Variants in CDK13 observed in about 807,000 individuals in gnomAD.
The protein encoded by CDK13 is cyclin-dependent kinase 13.
CDK13 carries 40 observed loss-of-function variants against 137.6 expected under a neutral mutation model. The observed-to-expected ratio is 0.29, with a 90% CI of 0.23 to 0.38. The LOEUF is 0.38. Among genes scored for constraint, CDK13 ranks in the 10% least tolerant of loss-of-function variants. CDK13 has a pLI of 1.00. For missense variants in CDK13, 1,704 were observed against 1,951.8 expected, an observed-to-expected ratio of 0.87 and a Z score of 2.39; for synonymous variants, 869 against 760.1, an observed-to-expected ratio of 1.14 and a Z score of -2.36.
At position 40,097,551 on chromosome 7, in the gene CDK13, TTGAG is replaced by T. The variant is rs1029008110; in HGVS notation, c.*2575_*2578del. 9 of 152,222 alleles carry T rather than the reference TTGAG, an allele frequency of 5.9e-5. No individual in the cohort carries two copies. Among genetic ancestry groups the T allele is most frequent in the Non-Finnish European group, 7.4e-5 (5 of 67,950 alleles). The allele number at this position is 152,222 out of a possible 1,614,324, so 9.4% of individuals were successfully genotyped here. On this transcript the variant is annotated 3_prime_UTR_variant, in exon 14 of 14. Coordinates refer to ENST00000181839, the MANE Select transcript of CDK13 (RefSeq NM_003718.5). ...TATAACAGCAGTCATCGCTGAAAATTTGAGTGAAATCTAAAGAACACAAAATATT... is the reference window on the plus strand; with the variant it reads ...TATAACAGCAGTCATCGCTGAAAATTTGAAATCTAAAGAACACAAAATATT...
intron 1 of CDK13, among the ~76,000 whole-genome samples, chr7:39,974,556 CTTT>C (rs59844316): frequency 3.8e-5 from 5 of 132,998 alleles, no homozygotes; most frequent in Admixed American, 7.4e-5. Context: ...TTCTTTTTTT[CTTT>C]TTTTTTTTTT....
rs374470130 is a variant in CDK13 at position 40,003,206 on chromosome 7, A to ACACACACACT, written c.2353+1176_2353+1177insACACACACTC. ...CACACACACACACACACACACACAC[A>ACACACACACT]CTCTCTCTCTCTCTCTCTCTTACTC... On this transcript the variant is annotated intron_variant, in intron 5 of 13. Coordinates refer to ENST00000181839, the MANE Select transcript of CDK13 (RefSeq NM_003718.5). 3.3e-4 allele frequency among the ~76,000 whole-genome samples: 26 copies of ACACACACACT among 79,904 alleles called. 1 individual carries two copies. The highest frequency in any genetic ancestry group is 9.8e-4 in the South Asian group (2 of 2,036). 52.4% of individuals were successfully genotyped at this position (79,904 alleles called of 152,430 possible). A position where few individuals can be genotyped will look rare whatever the true frequency, so the allele number is the denominator to read the frequency against.
chr7:40,042,011 T>C (rs1233103213), intron 5 of CDK13, among the ~76,000 whole-genome samples: 3 of 152,214 alleles, frequency 2.0e-5, no homozygotes, highest in African/African-American at 7.2e-5. Flanking sequence ...TTTTTGGACA[T>C]AGGCATTCTT....
rs11367509 is a variant in CDK13, at chr7:39,960,076, CTTTTTTT to C, written c.1211+8232_1211+8238del. Among the ~76,000 whole-genome samples the C allele has an allele frequency of 4.6e-4, 64 of 139,136 alleles. No homozygotes were observed. In the South Asian group the frequency reaches 9.9e-3, roughly 22 times the overall value. The allele number at this position is 139,136 out of a possible 152,430, so 91.3% of individuals were successfully genotyped here. A position where few individuals can be genotyped will look rare whatever the true frequency, so the allele number is the denominator to read the frequency against. Reference sequence around the variant, plus strand: ...AACTTCTTGTTCTGTAAAGTTTTTTCTTTTTTTTTTTTTTCCAGTGGTCTTTTGGTCC... The same window carrying C: ...AACTTCTTGTTCTGTAAAGTTTTTTCTTTTTTTCCAGTGGTCTTTTGGTCC... On this transcript the variant is annotated intron_variant, in intron 1 of 13. Transcript: ENST00000181839.
rs1338432589 is a variant in CDK13 at position 40,048,589 on chromosome 7, ATAGT to A, written c.2600+715_2600+718del. On this transcript the variant is annotated intron_variant, in intron 7 of 13. Transcript: ENST00000181839. ...TGTGTATATATATATCTGAAATAATATAGTTAAAGAATTTTAAAATTATTTTATG... is the reference window on the plus strand; with the variant it reads ...TGTGTATATATATATCTGAAATAATATAAAGAATTTTAAAATTATTTTATG... 51 of 152,200 alleles carry A rather than the reference ATAGT, an allele frequency of 3.4e-4. 1 individual carries two copies. Among genetic ancestry groups the A allele is most frequent in the African/African-American group, 9.4e-4 (39 of 41,520 alleles). The allele number at this position is 152,200 out of a possible 1,614,324, so 9.4% of individuals were successfully genotyped here.
chr7:40,011,568 A>AAT (rs1784894885), intron 5 of CDK13, among the ~76,000 whole-genome samples: 7 of 152,346 alleles, frequency 4.6e-5, no homozygotes, highest in Admixed American at 3.9e-4. Context: ...TGGTGCTGGG[A>AAT]TAACTGGATA....
chr7:40,046,567 A>T (rs1785745598), intron 6 of CDK13, among the ~76,000 whole-genome samples: 1 of 152,092 alleles, frequency 6.6e-6, no homozygotes, highest in Admixed American at 6.6e-5. Context: ...GAATTGCTTG[A>T]ATCTAGGAGG....
At chr7:40,033,021 T>G (rs1562739868) in intron 5 of CDK13, among the ~76,000 whole-genome samples, 1 of 152,234 alleles carries the variant, frequency 6.6e-6, no homozygotes, top group Non-Finnish European at 1.5e-5. Flanking sequence ...TCTATGTGCA[T>G]GGCATTTCTC....
At chr7:39,967,865 T>C (rs1783906545) in intron 1 of CDK13, among the ~76,000 whole-genome samples, 1 of 152,082 alleles carries the variant, frequency 6.6e-6, no homozygotes, top group Non-Finnish European at 1.5e-5. Context: ...TTTTTTCATG[T>C]ATCTGTTGGC....
At position 40,078,735 on chromosome 7, in the gene CDK13, G is replaced by C; in HGVS notation, c.2913G>C (p.Ala971=). 6.5e-7 allele frequency: 1 copy of C among 1,531,354 alleles called. No homozygotes were observed. The highest frequency in any genetic ancestry group is 8.8e-7 in the Non-Finnish European group (1 of 1,136,532). The allele number at this position is 1,531,354 out of a possible 1,614,324, so 94.9% of individuals were successfully genotyped here. A position where few individuals can be genotyped will look rare whatever the true frequency, so the allele number is the denominator to read the frequency against. ...CTCATGCTAGTATTCCTGCAGCTGC[G>C]CTAGACTTATTTGATTACATGCTTG... ...REEFVFIPAA[A]LDLFDYMLAL... is the part of the protein sequence containing the mutation. Residue 971 remains alanine (A), a synonymous_variant, in exon 11 of 14, where the codon GCG becomes GCC. Coordinates refer to ENST00000181839, the MANE Select transcript of CDK13 (RefSeq NM_003718.5).
chr7:39,964,938 G>C (rs986526743), intron 1 of CDK13, among the ~76,000 whole-genome samples: 32 of 152,308 alleles, frequency 2.1e-4, no homozygotes, highest in African/African-American at 7.5e-4. Context: ...GCGGTTTGGA[G>C]TGAGTTTCTT....
intron 9 of CDK13, chr7:40,071,099 AGGG>A (rs1367433962): frequency 6.6e-6 from 1 of 152,162 alleles, no homozygotes; most frequent in Admixed American, 6.6e-5. Context: ...ATAGGAAAAG[AGGG>A]AAGCTTCCCA....
intron 5 of CDK13, among the ~76,000 whole-genome samples, chr7:40,021,176 A>G (rs961461960): frequency 8.9e-5 from 13 of 146,690 alleles, no homozygotes; most frequent in Admixed American, 6.9e-4. Context: ...TGAAATTCCC[A>G]AAGATCAGTT....
At chr7:40,024,720 G>A (rs1366233600) in intron 5 of CDK13, among the ~76,000 whole-genome samples, 2 of 130,358 alleles carry the variant, frequency 1.5e-5, no homozygotes, top group Non-Finnish European at 3.1e-5. Flanking sequence ...CTGGAGTGCA[G>A]TGGCATGATC....
chr7:40,023,396 C>T (rs977480352), intron 5 of CDK13, among the ~76,000 whole-genome samples: 14 of 152,126 alleles, frequency 9.2e-5, no homozygotes, highest in Middle Eastern at 3.4e-3. Context: ...ATAAGGTATT[C>T]GTGGTTGAAA....
intron 2 of CDK13, among the ~76,000 whole-genome samples, chr7:39,991,458 G>C (rs893393148): frequency 2.7e-5 from 4 of 150,400 alleles, no homozygotes; most frequent in Non-Finnish European, 5.9e-5. Context: ...GACTTTCACT[G>C]TTGTATCCAC....
intron 7 of CDK13, among the ~76,000 whole-genome samples, chr7:40,051,922 G>A (rs1389792986): frequency 6.6e-6 from 1 of 152,058 alleles, no homozygotes; most frequent in African/African-American, 2.4e-5. Flanking sequence ...TAAAACTTGA[G>A]AATAGAGATT....
chr7:40,087,021 G>A (rs913392847), intron 11 of CDK13, among the ~76,000 whole-genome samples: 1 of 151,878 alleles, frequency 6.6e-6, no homozygotes, highest in East Asian at 1.9e-4. Context: ...GCCCATGCTG[G>A]TGAACTCCTG....
intron 5 of CDK13, among the ~76,000 whole-genome samples, chr7:40,026,164 G>A (rs1785237755): frequency 6.6e-6 from 1 of 152,164 alleles, no homozygotes; most frequent in South Asian, 2.1e-4. Flanking sequence ...CTTTTCTAGA[G>A]AACAAAAGTA....
Sources: gnomAD v4.1 joint callset for allele counts (sites outside exome capture counted in the v4.1 genomes callset) on GRCh38, gnomAD v4.1.1 for gene constraint, MANE v1.5 for transcripts, NCBI Gene and HGNC (gene_info 2026-07-23, HGNC 2026-07-21) for gene names.